DLC1: variants seen among roughly 807,000 people sequenced by gnomAD.
The protein encoded by DLC1 is DLC1 Rho GTPase activating protein, also known as rho GTPase-activating protein 7.
A neutral mutation model predicts 140.3 loss-of-function variants in DLC1; 54 were observed. The observed-to-expected ratio is 0.38, with a 90% CI of 0.31 to 0.48. DLC1 has a LOEUF of 0.48. Ranked by LOEUF, DLC1 falls within the 20% of genes least tolerant of loss-of-function variation. The pLI is 0.96. For missense variants in DLC1, 2,536 were observed against 1,907.0 expected (o/e 1.33, Z -6.14); for synonymous variants, 986 against 728.1 (o/e 1.35, Z -5.70).
chr8:13,112,070 G>A (rs954181191), intron 6 of DLC1, among the ~76,000 whole-genome samples: 1 of 152,120 alleles, frequency 6.6e-6, no homozygotes, highest in African/African-American at 2.4e-5. Flanking sequence ...AAGATCACCT[G>A]AGCCCCAGAG....
chr8:13,225,937 C>T (rs1036443019), intron 5 of DLC1, among the ~76,000 whole-genome samples: 22 of 151,948 alleles, frequency 1.4e-4, no homozygotes, highest in Non-Finnish European at 2.2e-4. Flanking sequence ...TTTTGAGAAG[C>T]GGTCTCCCTG....
intron 5 of DLC1, among the ~76,000 whole-genome samples, chr8:13,173,930 C>A (rs1442664056): frequency 6.6e-6 from 1 of 151,950 alleles, no homozygotes; most frequent in Non-Finnish European, 1.5e-5. Context: ...TTGCATGATG[C>A]TGAGGTTTGG....
intron 5 of DLC1, among the ~76,000 whole-genome samples, chr8:13,228,978 C>T (rs553399143): frequency 2.0e-5 from 3 of 152,284 alleles, no homozygotes; most frequent in South Asian, 2.1e-4. Context: ...AACCCTCATG[C>T]GTTGTTGGTG....
At chr8:13,267,937 G>C (rs1830758223) in intron 5 of DLC1, among the ~76,000 whole-genome samples, 1 of 152,182 alleles carries the variant, frequency 6.6e-6, no homozygotes, top group East Asian at 1.9e-4. Context: ...TGATTGTCTA[G>C]AAGTTGATAA....
chr8:13,096,685 T>C (rs1818522839), intron 10 of DLC1, among the ~76,000 whole-genome samples: 1 of 151,932 alleles, frequency 6.6e-6, no homozygotes, highest in Non-Finnish European at 1.5e-5. Context: ...ATAACAGCCT[T>C]TGAACGGGAG....
chr8:13,402,244 A>G (rs1837331549), intron 2 of DLC1, among the ~76,000 whole-genome samples: 1 of 152,230 alleles, frequency 6.6e-6, no homozygotes, highest in African/African-American at 2.4e-5. Context: ...GTAAATGAGT[A>G]TGGTTACTTA....
chr8:13,384,785 C>T (rs890732393), intron 4 of DLC1, among the ~76,000 whole-genome samples: 12 of 152,044 alleles, frequency 7.9e-5, no homozygotes, highest in African/African-American at 2.9e-4. Context: ...TATTGTCTGT[C>T]CAGTCCAGGG....
chr8:13,533,924 G>A (rs1239409343), intron 1 of DLC1, among the ~76,000 whole-genome samples: 2 of 152,102 alleles, frequency 1.3e-5, no homozygotes, highest in Non-Finnish European at 2.9e-5. Flanking sequence ...GTGACTGTAA[G>A]TTTCCTGAGG....
At chr8:13,201,995 G>C (rs1827411740) in intron 5 of DLC1, among the ~76,000 whole-genome samples, 1 of 149,314 alleles carries the variant, frequency 6.7e-6, no homozygotes, top group African/African-American at 2.5e-5. Context: ...CACCAGGCTG[G>C]AGTGCAGTGG....
At chr8:13,166,119 C>G (rs1300664941) in intron 5 of DLC1, among the ~76,000 whole-genome samples, 19 of 152,134 alleles carry the variant, frequency 1.2e-4, no homozygotes, top group Admixed American at 1.2e-3. Context: ...GATGCCATCC[C>G]CGTTCACAGG....
At chr8:13,284,958 A>G (rs1831490474) in intron 5 of DLC1, among the ~76,000 whole-genome samples, 1 of 152,194 alleles carries the variant, frequency 6.6e-6, no homozygotes, top group South Asian at 2.1e-4. Flanking sequence ...CTTCCAAACT[A>G]TAGATTCAAC....
intron 5 of DLC1, among the ~76,000 whole-genome samples, chr8:13,139,326 G>GAAAAA (rs1409799300): frequency 1.1e-5 from 1 of 92,454 alleles, no homozygotes; most frequent in African/African-American, 3.9e-5. Context: ...AAAAGGAAAA[G>GAAAAA]AAAAAAAATG....
intron 4 of DLC1, among the ~76,000 whole-genome samples, chr8:13,350,777 A>G (rs1834620717): frequency 6.6e-6 from 1 of 152,138 alleles, no homozygotes; most frequent in Non-Finnish European, 1.5e-5. Context: ...CTAAATGGAA[A>G]TTGTTCATAT....
At chr8:13,437,314 A>G (rs1413733130) in intron 2 of DLC1, among the ~76,000 whole-genome samples, 1 of 152,240 alleles carries the variant, frequency 6.6e-6, no homozygotes, top group Non-Finnish European at 1.5e-5. Context: ...ACATGCTGCT[A>G]GCCTTCTTTT....
chr8:13,379,516 C>T (rs1313699894), intron 4 of DLC1, among the ~76,000 whole-genome samples: 12 of 152,140 alleles, frequency 7.9e-5, no homozygotes, highest in African/African-American at 1.4e-4. Flanking sequence ...TCGAATATCC[C>T]GTGTAATTTA....
chr8:13,416,519 T>G (rs1838067615), intron 2 of DLC1, among the ~76,000 whole-genome samples: 1 of 152,096 alleles, frequency 6.6e-6, no homozygotes, highest in Admixed American at 6.6e-5. Flanking sequence ...ACCTATGAAC[T>G]TAAGGAGGGA....
intron 4 of DLC1, among the ~76,000 whole-genome samples, chr8:13,311,659 A>G (rs1832668698): frequency 6.6e-6 from 1 of 152,194 alleles, no homozygotes; most frequent in Non-Finnish European, 1.5e-5. Context: ...TGTAGACTGA[A>G]ATTATAGCTT....
At chr8:13,225,852 C>A (rs141443362) in intron 5 of DLC1, among the ~76,000 whole-genome samples, 2,786 of 152,050 alleles carry the variant, frequency 0.018, 95 homozygotes, top group African/African-American at 0.062. Context: ...CCTGACCTCG[C>A]GATCCGCCTG....
intron 2 of DLC1, among the ~76,000 whole-genome samples, chr8:13,488,263 G>A (rs73557575): frequency 0.023 from 3,574 of 152,282 alleles, 156 homozygotes; most frequent in African/African-American, 0.081. Flanking sequence ...TTATTTCATA[G>A]TTGAACCATT....
Sources: allele counts gnomAD v4.1 joint callset (sites outside exome capture counted in the v4.1 genomes callset), GRCh38; gene constraint gnomAD v4.1.1; transcripts MANE v1.5; gene names NCBI Gene and HGNC (gene_info 2026-07-23, HGNC 2026-07-21).